DECR2: variants seen among roughly 807,000 people sequenced by gnomAD.
DECR2 encodes the protein 2,4-dienoyl-CoA reductase 2.
Under a neutral mutation model 29.2 loss-of-function variants are expected in DECR2, and 34 were observed. The ratio of observed to expected loss-of-function variants is 1.16; its 90% CI spans 0.89 to 1.55. The LOEUF (loss-of-function observed/expected upper bound fraction) is 1.55, where lower values mean the gene tolerates loss of function less well. DECR2 is among the 40% of genes most tolerant of loss of function. The probability of loss-of-function intolerance (pLI) is 0.00; values close to 1 mark genes in which losing one functional copy is unlikely to be tolerated. For missense variants in DECR2, 485 were observed against 425.3 expected (o/e 1.14, Z -1.23); for synonymous variants, 224 against 182.7 (o/e 1.23, Z -1.82).
At chr16:404,925 CT>C (rs1192125687) in intron 1 of DECR2, 30 bp from the exon 2 acceptor site, 3 of 1,613,470 alleles carry the variant, frequency 1.9e-6, no homozygotes, top group Non-Finnish European at 2.5e-6. Flanking sequence ...CAATAGGGCT[CT>C]TTTAAAAGAG....
Position 410,380 on chromosome 16 carries a change from T to C in DECR2, c.462+13T>C. 1.3e-6 allele frequency: 2 copies of C among 1,590,946 alleles called. No homozygotes were observed. The highest frequency in any genetic ancestry group is 8.6e-7 in the Non-Finnish European group (1 of 1,168,110). On this transcript the variant is annotated intron_variant, in intron 5 of 8. Transcript: ENST00000219481. This position sits in a 1 kb window ranked among gnomAD's most constrained non-coding sequence, Gnocchi z 4.1. The stretch of plus-strand genomic sequence containing the variant: ...GAAGTTCTTCCGGGTGGGTGCCTCG[T>C]GCGCTCTGTGAGAAGTTCTTCCGGG...
chr16:410,277 C>T lies in DECR2; in HGVS notation c.372C>T (p.Ala124=). ...AAGNFLCPAG[A]LSFNAFKTVM... ...GGAACTTCCTGTGCCCCGCTGGCGC[C>T]TTGTCCTTCAACGCCTTCAAGACCG... The change falls in exon 5 of 9, where the codon GCC becomes GCT. Residue 124 remains alanine, a synonymous_variant. Coordinates refer to ENST00000219481, the MANE Select transcript of DECR2 (RefSeq NM_020664.4). The surrounding 1 kb of genome is among the most constrained non-coding windows in gnomAD (Gnocchi z 4.1). 1.2e-6 allele frequency: 2 copies of T among 1,613,720 alleles called. No individual in the cohort carries two copies. Among genetic ancestry groups the T allele is most frequent in the East Asian group, 2.2e-5 (1 of 44,872 alleles).
Position 410,036 on chromosome 16 carries a change from T to C in DECR2, c.338-207T>C. 1.6e-6 allele frequency: 1 copy of C among 632,300 alleles called. No individual in the cohort carries two copies. Among genetic ancestry groups the C allele is most frequent in the Non-Finnish European group, 2.6e-6 (1 of 382,156 alleles). 39.2% of individuals were successfully genotyped at this position (632,300 alleles called of 1,614,324 possible). A position where few individuals can be genotyped will look rare whatever the true frequency, so the allele number is the denominator to read the frequency against. ...CAGGTACGGAGCCAGGGCTTCAGCA[T>C]GTCTTCTCTTCTCGGGGACACAGTG... On this transcript the variant is annotated intron_variant, in intron 4 of 8. Transcript: ENST00000219481. This position sits in a 1 kb window ranked among gnomAD's most constrained non-coding sequence, Gnocchi z 4.1.
chr16:406,252 C>T (rs1293631562), intron 2 of DECR2, 94 bp from the exon 3 acceptor site: 4 of 1,373,842 alleles, frequency 2.9e-6, no homozygotes, highest in African/African-American at 2.8e-5. Context: ...TGGACTGGTA[C>T]TTCCGCCTGA....
intron 4 of DECR2, among the ~76,000 whole-genome samples, chr16:407,996 C>T (rs1397166174): frequency 9.2e-5 from 8 of 87,056 alleles, no homozygotes; most frequent in African/African-American, 2.4e-4. Flanking sequence ...CCCCTGTCTC[C>T]GGGCCTCTGT....
At chr16:409,315 T>C (rs1207667090) in intron 4 of DECR2, among the ~76,000 whole-genome samples, 10 of 151,886 alleles carry the variant, frequency 6.6e-5, no homozygotes, top group Non-Finnish European at 1.2e-4. Context: ...GGACTACAGG[T>C]GCCTGCCACC....
At chr16:406,912 G>A (rs1205132405) in intron 3 of DECR2, 14 of 1,027,522 alleles carry the variant, frequency 1.4e-5, no homozygotes, top group East Asian at 1.0e-4. Context: ...GTGCCCAGCC[G>A]GCACCAAAAC....
At chr16:407,018 C>T in intron 3 of DECR2, 1 of 1,032,280 alleles carries the variant, frequency 9.7e-7, no homozygotes, top group Non-Finnish European at 1.2e-6. Context: ...CTGGGAGGGA[C>T]CTTCCTGTTT....
chr16:409,461 C>G (rs1032514362), intron 4 of DECR2: 1 of 151,728 alleles, frequency 6.6e-6, no homozygotes, highest in Non-Finnish European at 1.5e-5. Context: ...TGAGCCACCA[C>G]GCCTGGCCGA....
Position 410,507 on chromosome 16 carries a change from C to G in DECR2, c.462+140C>G. 7.1e-7 allele frequency: 1 copy of G among 1,400,108 alleles called. No individual in the cohort carries two copies. Among genetic ancestry groups the G allele is most frequent in the Non-Finnish European group, 9.8e-7 (1 of 1,018,026 alleles). 86.7% of individuals were successfully genotyped at this position (1,400,108 alleles called of 1,614,324 possible). ...GGTGTACTCCCAGCGGGGGCCTCCC[C>G]CTGACGGCCGCCCGCTCCCTGCCCT... is the stretch of plus-strand genomic sequence containing the variant. On this transcript the variant is annotated intron_variant, in intron 5 of 8. Transcript: ENST00000219481. The surrounding 1 kb of genome is among the most constrained non-coding windows in gnomAD (Gnocchi z 4.1).
Position 410,769 on chromosome 16 carries a change from G to C in DECR2, c.541G>C (p.Ala181Pro), listed in dbSNP as rs367817507. ...GGCGCTCCAGGTGCATGCAGGCTCCGCCAAGGCCGCTGTGGGTATGACCAC... is the reference window on the plus strand; with the variant it reads ...GGCGCTCCAGGTGCATGCAGGCTCCCCCAAGGCCGCTGTGGGTATGACCAC... ...GQALQVHAGS[A>P]KAAVDAMTRH... Residue 181 changes from alanine to proline, a missense_variant, in exon 6 of 9, where the codon GCC becomes CCC. Transcript: ENST00000219481. The surrounding 1 kb of genome is among the most constrained non-coding windows in gnomAD (Gnocchi z 4.1). The C allele has an allele frequency of 1.3e-6, 2 of 1,599,356 alleles. No individual in the cohort carries two copies. Among genetic ancestry groups the C allele is most frequent in the Non-Finnish European group, 1.7e-6 (2 of 1,174,794 alleles).
At chr16:405,703 C>A in intron 2 of DECR2, 1 of 950,616 alleles carries the variant, frequency 1.1e-6, no homozygotes, top group Non-Finnish European at 1.5e-6. Context: ...GAAGCGTAGT[C>A]TTGGGTGGCT....
At position 411,383 on chromosome 16, in the gene DECR2, C is replaced by T; in HGVS notation, c.684C>T (p.Ser228=). 1.9e-6 allele frequency: 3 copies of T among 1,610,228 alleles called. No homozygotes were observed. Among genetic ancestry groups the T allele is most frequent in the Non-Finnish European group, 2.5e-6 (3 of 1,179,660 alleles). The change falls in exon 8 of 9, where the codon AGC becomes AGT. Residue 228 remains serine (S), a synonymous_variant. Transcript: ENST00000219481. The stretch of plus-strand genomic sequence containing the variant: ...CAGGTGGCCCTCAGGCCAGCCTGAG[C>T]ACCAAGGTCACTGCCAGCCCGCTGC... ...RRLGGPQASL[S]TKVTASPLQR... is the part of the protein sequence containing the mutation.
intron 4 of DECR2, among the ~76,000 whole-genome samples, chr16:407,796 G>GT (rs1567340476): frequency 1.2e-5 from 1 of 81,786 alleles, no homozygotes; most frequent in Non-Finnish European, 2.1e-5. Context: ...CTGTCTCCGG[G>GT]CTCTGTCTCC....
chr16:402,948 G>C, intron 1 of DECR2: 1 of 809,576 alleles, frequency 1.2e-6, no homozygotes, highest in Non-Finnish European at 1.5e-6. Context: ...TCGCACCATT[G>C]CACTGGGCAA....
chr16:402,972 C>A, intron 1 of DECR2: 1 of 950,904 alleles, frequency 1.1e-6, no homozygotes, highest in Non-Finnish European at 1.3e-6. Flanking sequence ...GAGTGAAACT[C>A]CATCTCAAAA....
In DECR2 at chr16:404,967, C is replaced by A. The variant is rs371095028; in HGVS notation, c.92C>A (p.Ala31Asp). 3.1e-6 allele frequency: 5 copies of A among 1,613,982 alleles called. No individual in the cohort carries two copies. The African/African-American group carries it at 4.0e-5, about 13-fold the overall frequency. Residue 31 changes from alanine to aspartate, a missense_variant, in exon 2 of 9, where the codon GCC becomes GAC. Physicochemically the swap from Ala to Asp is moderately radical, Grantham distance 126. Coordinates refer to ENST00000219481, the MANE Select transcript of DECR2 (RefSeq NM_020664.4). ...FCPDLLRDKV[A>D]FITGGGSGIG... Reference sequence around the variant, plus strand: ...TTTTTTATTCTCAGGGACAAAGTGGCCTTCATCACAGGAGGCGGCTCTGGG... The same window carrying A: ...TTTTTTATTCTCAGGGACAAAGTGGACTTCATCACAGGAGGCGGCTCTGGG...
rs1476801220 is a variant in DECR2 at position 410,931 on chromosome 16, G to A, written c.557-41G>A. On this transcript the variant is annotated intron_variant, in intron 6 of 8. Transcript: ENST00000219481. The surrounding 1 kb of genome is among the most constrained non-coding windows in gnomAD (Gnocchi z 4.1). ...GGCCTTGGCCCTGCGCCCTCGCAGA[G>A]GGCAGAGCGGCCCTTTCATATCCAA... is the stretch of plus-strand genomic sequence containing the variant. 3.8e-6 allele frequency: 6 copies of A among 1,559,856 alleles called. No homozygotes were observed. Among genetic ancestry groups the A allele is most frequent in the Non-Finnish European group, 5.2e-6 (6 of 1,151,910 alleles).
intron 4 of DECR2, among the ~76,000 whole-genome samples, chr16:408,834 C>CTT (rs11418835): frequency 0.018 from 2,584 of 140,500 alleles, 68 homozygotes; most frequent in African/African-American, 0.06. Context: ...CCTGGCCTAG[C>CTT]TTTTTTTTTT....
Sources: allele counts gnomAD v4.1 joint callset (sites outside exome capture counted in the v4.1 genomes callset), GRCh38; gene constraint gnomAD v4.1.1; non-coding constraint Gnocchi (gnomAD v3.1); transcripts MANE v1.5; gene names NCBI Gene and HGNC (gene_info 2026-07-23, HGNC 2026-07-21).